GRIN2A: variants seen among roughly 807,000 people sequenced by gnomAD.
The protein encoded by GRIN2A is glutamate ionotropic receptor NMDA type subunit 2A.
GRIN2A carries 22 observed loss-of-function variants against 113.4 expected under a neutral mutation model. The ratio of observed to expected loss-of-function variants is 0.19; its 90% confidence interval spans 0.14 to 0.28. GRIN2A has a LOEUF of 0.28. Among genes scored for constraint, GRIN2A ranks in the 10% least tolerant of loss-of-function variants. The pLI, the probability that GRIN2A is intolerant of heterozygous loss-of-function variation, is 1.00. For missense variants in GRIN2A, 1,502 were observed against 1,887.0 expected (o/e 0.80, Z 3.78); for synonymous variants, 827 against 738.4 (o/e 1.12, Z -1.94).
At chr16:10,061,624 G>A (rs2047551884) in intron 2 of GRIN2A, among the ~76,000 whole-genome samples, 1 of 152,190 alleles carries the variant, frequency 6.6e-6, no homozygotes, top group Admixed American at 6.5e-5. Context: ...GGGGCAGAGA[G>A]AGGTGGTGTG....
chr16:9,881,615 T>C (rs992995303), intron 4 of GRIN2A, among the ~76,000 whole-genome samples: 2 of 152,270 alleles, frequency 1.3e-5, no homozygotes, highest in South Asian at 2.1e-4. Flanking sequence ...TGCTCCTCAT[T>C]TGGGGAAGTT....
At chr16:10,176,721 G>C (rs1171494871) in intron 2 of GRIN2A, among the ~76,000 whole-genome samples, 2 of 142,182 alleles carry the variant, frequency 1.4e-5, no homozygotes, top group Non-Finnish European at 3.1e-5. Flanking sequence ...AGGGGGGATG[G>C]ATAGCACTAG....
intron 10 of GRIN2A, among the ~76,000 whole-genome samples, chr16:9,802,724 A>G (rs1023242616): frequency 5.3e-5 from 8 of 152,220 alleles, no homozygotes; most frequent in African/African-American, 1.2e-4. Context: ...ACACTGTCCA[A>G]TAGAACTTTC....
intron 3 of GRIN2A, among the ~76,000 whole-genome samples, chr16:9,934,748 T>C (rs948455302): frequency 1.3e-5 from 2 of 151,512 alleles, no homozygotes; most frequent in Admixed American, 6.6e-5. Flanking sequence ...AAATGCTTTC[T>C]TTGGCCTTTC....
chr16:9,929,204 T>C (rs1293555096), intron 3 of GRIN2A, among the ~76,000 whole-genome samples: 1 of 152,232 alleles, frequency 6.6e-6, no homozygotes, highest in African/African-American at 2.4e-5. Flanking sequence ...CTGCCATCAA[T>C]AAGCTCAAAT....
At chr16:9,988,374 T>C (rs1260037711) in intron 2 of GRIN2A, among the ~76,000 whole-genome samples, 1 of 151,450 alleles carries the variant, frequency 6.6e-6, no homozygotes, top group African/African-American at 2.4e-5. Context: ...AGTGGACAAA[T>C]TATACCACTC....
At chr16:9,971,602 G>A (rs941887438) in intron 2 of GRIN2A, among the ~76,000 whole-genome samples, 4 of 152,180 alleles carry the variant, frequency 2.6e-5, no homozygotes, top group African/African-American at 4.8e-5. Flanking sequence ...TGCCAATGTC[G>A]GGTAAGAAAA....
chr16:9,978,369 C>T (rs758508110), intron 2 of GRIN2A, among the ~76,000 whole-genome samples: 32 of 152,156 alleles, frequency 2.1e-4, no homozygotes, highest in African/African-American at 7.2e-4. Flanking sequence ...TTGCTCATTT[C>T]GAGAAAGGTG....
At chr16:9,974,472 G>A (rs1291664676) in intron 2 of GRIN2A, among the ~76,000 whole-genome samples, 3 of 152,206 alleles carry the variant, frequency 2.0e-5, no homozygotes, top group Non-Finnish European at 2.9e-5. Flanking sequence ...TTGCTCAATC[G>A]ATCACGACCC....
At chr16:10,054,391 A>G (rs914555832) in intron 2 of GRIN2A, among the ~76,000 whole-genome samples, 3 of 152,238 alleles carry the variant, frequency 2.0e-5, no homozygotes, top group South Asian at 2.1e-4. Flanking sequence ...GAACAGGACT[A>G]ATACAAAGAT....
At chr16:10,164,133 C>G (rs901499667) in intron 2 of GRIN2A, among the ~76,000 whole-genome samples, 2 of 152,222 alleles carry the variant, frequency 1.3e-5, no homozygotes, top group South Asian at 4.1e-4. Flanking sequence ...CATGATGGCT[C>G]TCTCCGGGGT....
At chr16:9,876,382 T>C (rs2043366270) in intron 4 of GRIN2A, among the ~76,000 whole-genome samples, 1 of 152,186 alleles carries the variant, frequency 6.6e-6, no homozygotes, top group Non-Finnish European at 1.5e-5. Flanking sequence ...CCTCATGTCC[T>C]CACCTGTTTA....
At chr16:10,089,080 A>G (rs898100498) in intron 2 of GRIN2A, among the ~76,000 whole-genome samples, 1 of 152,228 alleles carries the variant, frequency 6.6e-6, no homozygotes, top group African/African-American at 2.4e-5. Context: ...TGTAGTTATT[A>G]AGTATATTAA....
intron 2 of GRIN2A, among the ~76,000 whole-genome samples, chr16:10,060,456 G>A (rs1035240875): frequency 5.3e-5 from 8 of 152,274 alleles, no homozygotes; most frequent in South Asian, 2.1e-4. Flanking sequence ...GCTAGCCAGT[G>A]GCTAAGCTGG....
chr16:9,988,446 G>T (rs574528476), intron 2 of GRIN2A, among the ~76,000 whole-genome samples: 11 of 152,094 alleles, frequency 7.2e-5, no homozygotes, highest in African/African-American at 2.2e-4. Context: ...TCAAGATACA[G>T]AACACCAGAA....
At chr16:10,143,873 G>C (rs2049378081) in intron 2 of GRIN2A, among the ~76,000 whole-genome samples, 1 of 152,170 alleles carries the variant, frequency 6.6e-6, no homozygotes, top group Non-Finnish European at 1.5e-5. Context: ...GGCTGAGGCA[G>C]GAGGATTGCT....
At chr16:10,140,088 G>T (rs1453999436) in intron 2 of GRIN2A, among the ~76,000 whole-genome samples, 1 of 152,154 alleles carries the variant, frequency 6.6e-6, no homozygotes, top group African/African-American at 2.4e-5. Context: ...ACACAGGCAA[G>T]ATTAAAGAAA....
At chr16:10,087,853 ATTTTTT>A (rs376085870) in intron 2 of GRIN2A, among the ~76,000 whole-genome samples, 3 of 108,466 alleles carry the variant, frequency 2.8e-5, no homozygotes, top group African/African-American at 7.2e-5. Context: ...TGCCCAGCTA[ATTTTTT>A]TTTTTTTTTT....
At chr16:9,782,190 A>C (rs1901976137) in intron 11 of GRIN2A, among the ~76,000 whole-genome samples, 1 of 152,230 alleles carries the variant, frequency 6.6e-6, no homozygotes, top group Non-Finnish European at 1.5e-5. Flanking sequence ...TGCACTAAAC[A>C]TATACAGACT....
Sources: gnomAD v4.1 joint callset for allele counts (sites outside exome capture counted in the v4.1 genomes callset) on GRCh38, gnomAD v4.1.1 for gene constraint, MANE v1.5 for transcripts, NCBI Gene and HGNC (gene_info 2026-07-23, HGNC 2026-07-21) for gene names.